GPC5: variants seen among roughly 807,000 people sequenced by gnomAD.
The protein encoded by GPC5 is glypican 5.
GPC5 carries 47 observed loss-of-function variants against 53.9 expected under a neutral mutation model. The observed-to-expected ratio is 0.87, with a 90% CI of 0.69 to 1.11. GPC5 has a LOEUF of 1.11. Ranked by LOEUF, GPC5 falls within the 50% of genes most tolerant of loss-of-function variation. GPC5 has a pLI of 0.00. For synonymous variants in GPC5, 286 were observed against 263.3 expected, an observed-to-expected ratio of 1.09 and a Z score of -0.84; for missense variants, 748 against 713.1, an observed-to-expected ratio of 1.05 and a Z score of -0.56.
In GPC5 at chr13:92,833,875, TAG is replaced by T. The variant is rs539097939; in HGVS notation, c.1562-32398_1562-32397del. 3.9e-4 allele frequency among the ~76,000 whole-genome samples: 60 copies of T among 152,244 alleles called. 1 individual carries two copies. The South Asian group carries it at 9.1e-3, about 23-fold the overall frequency. On this transcript the variant is annotated intron_variant, in intron 7 of 7. Transcript: ENST00000377067. ...TTAGTATATCCGTAAGAGTTAACGT[TAG>T]AGAGAGAGGCAGGAACAAGATTATA...
At chr13:92,735,971 G>A (rs932683429) in intron 7 of GPC5, among the ~76,000 whole-genome samples, 16 of 151,944 alleles carry the variant, frequency 1.1e-4, no homozygotes, top group Non-Finnish European at 4.4e-5. Flanking sequence ...ACACTGGAGA[G>A]TGCAATACTC....
chr13:92,011,919 A>C (rs1393182521), intron 6 of GPC5, among the ~76,000 whole-genome samples: 1 of 152,194 alleles, frequency 6.6e-6, no homozygotes, highest in Non-Finnish European at 1.5e-5. Context: ...TGATTTTTAA[A>C]AGTCAGACTT....
chr13:92,256,281 A>G (rs2042725952), intron 7 of GPC5, among the ~76,000 whole-genome samples: 1 of 152,030 alleles, frequency 6.6e-6, no homozygotes, highest in African/African-American at 2.4e-5. Flanking sequence ...GGACTATATA[A>G]CTTATTGTAT....
At chr13:92,426,548 A>G (rs969652976) in intron 7 of GPC5, among the ~76,000 whole-genome samples, 1 of 152,082 alleles carries the variant, frequency 6.6e-6, no homozygotes, top group Non-Finnish European at 1.5e-5. Flanking sequence ...TTATGATGCA[A>G]AATTATATTT....
intron 2 of GPC5, among the ~76,000 whole-genome samples, chr13:91,672,230 A>G (rs1182921404): frequency 6.6e-6 from 1 of 152,234 alleles, no homozygotes; most frequent in Non-Finnish European, 1.5e-5. Flanking sequence ...AACAAAAGCA[A>G]AAATTGAAAA....
chr13:92,434,024 A>G (rs1343092337), intron 7 of GPC5, among the ~76,000 whole-genome samples: 1 of 152,206 alleles, frequency 6.6e-6, no homozygotes, highest in African/African-American at 2.4e-5. Flanking sequence ...AAATTTTTGG[A>G]AATTATGATT....
chr13:92,855,747 C>T (rs193177829), intron 7 of GPC5, among the ~76,000 whole-genome samples: 15 of 152,080 alleles, frequency 9.9e-5, no homozygotes, highest in African/African-American at 3.6e-4. Context: ...ACTAGAAAAT[C>T]TTGAGAAAAT....
At chr13:92,208,776 T>G (rs1336351411) in intron 7 of GPC5, among the ~76,000 whole-genome samples, 1 of 152,230 alleles carries the variant, frequency 6.6e-6, no homozygotes, top group Non-Finnish European at 1.5e-5. Context: ...CATATCTTTT[T>G]CAATAACTTC....
At chr13:91,797,539 A>G (rs1289170293) in intron 5 of GPC5, among the ~76,000 whole-genome samples, 3 of 152,192 alleles carry the variant, frequency 2.0e-5, no homozygotes, top group Non-Finnish European at 4.4e-5. Flanking sequence ...ACTGAGACAG[A>G]TAACATTGAT....
chr13:91,976,805 T>G (rs2040306871), intron 6 of GPC5, among the ~76,000 whole-genome samples: 1 of 152,080 alleles, frequency 6.6e-6, no homozygotes, highest in African/African-American at 2.4e-5. Flanking sequence ...TTTGGGAGGC[T>G]GTGGCAGGCG....
At chr13:92,231,785 G>C (rs774807409) in intron 7 of GPC5, among the ~76,000 whole-genome samples, 6 of 152,086 alleles carry the variant, frequency 3.9e-5, no homozygotes, top group African/African-American at 7.2e-5. Flanking sequence ...GGCCAACATG[G>C]TGAAACCCCA....
At chr13:92,360,088 A>G (rs932024377) in intron 7 of GPC5, among the ~76,000 whole-genome samples, 2 of 151,658 alleles carry the variant, frequency 1.3e-5, no homozygotes, top group African/African-American at 4.9e-5. Context: ...ATTAGATCGC[A>G]TTTTGTCAAT....
chr13:91,597,762 G>A (rs2033046106), intron 2 of GPC5, among the ~76,000 whole-genome samples: 1 of 151,930 alleles, frequency 6.6e-6, no homozygotes, highest in Admixed American at 6.6e-5. Flanking sequence ...TCCAAAATGG[G>A]GCATATTCCT....
At chr13:92,755,873 G>A (rs1874837480) in intron 7 of GPC5, among the ~76,000 whole-genome samples, 1 of 145,190 alleles carries the variant, frequency 6.9e-6, no homozygotes, top group Non-Finnish European at 1.5e-5. Context: ...AGGACCAGAT[G>A]GATTCACAGC....
intron 7 of GPC5, among the ~76,000 whole-genome samples, chr13:92,358,966 C>T (rs1477253739): frequency 6.6e-6 from 1 of 151,732 alleles, no homozygotes; most frequent in Non-Finnish European, 1.5e-5. Flanking sequence ...CAAATTTCTG[C>T]AGCTGGCTTG....
intron 6 of GPC5, among the ~76,000 whole-genome samples, chr13:91,964,231 C>T (rs1276403607): frequency 6.6e-6 from 1 of 152,156 alleles, no homozygotes; most frequent in Non-Finnish European, 1.5e-5. Flanking sequence ...AAAGAGTGAG[C>T]AGCAGCAAGA....
intron 7 of GPC5, among the ~76,000 whole-genome samples, chr13:92,594,782 C>T (rs948448613): frequency 6.6e-6 from 1 of 152,206 alleles, no homozygotes; most frequent in Non-Finnish European, 1.5e-5. Context: ...CTATCTACTT[C>T]CAACCTGAAA....
chr13:92,145,233 T>A (rs1209632335), intron 7 of GPC5, among the ~76,000 whole-genome samples: 1 of 152,098 alleles, frequency 6.6e-6, no homozygotes, highest in Non-Finnish European at 1.5e-5. Context: ...AATCACCAGT[T>A]CTGAGAAGGT....
chr13:92,096,809 A>G (rs2041425874), intron 6 of GPC5, among the ~76,000 whole-genome samples: 1 of 152,172 alleles, frequency 6.6e-6, no homozygotes, highest in Non-Finnish European at 1.5e-5. Context: ...AAACTAATAC[A>G]GAGTCTAGTA....
Sources: allele counts gnomAD v4.1 joint callset (sites outside exome capture counted in the v4.1 genomes callset), GRCh38; gene constraint gnomAD v4.1.1; transcripts MANE v1.5; gene names NCBI Gene and HGNC (gene_info 2026-07-23, HGNC 2026-07-21).